Variants in DENND4C observed in about 807,000 individuals in gnomAD.
DENND4C encodes the protein DENN domain containing 4C, also known as DENN domain-containing protein 4C.
A neutral mutation model predicts 203.0 loss-of-function variants in DENND4C; 108 were observed. The ratio of observed to expected loss-of-function variants is 0.53; its 90% CI spans 0.46 to 0.62. The LOEUF (loss-of-function observed/expected upper bound fraction) is 0.62, where lower values mean the gene tolerates loss of function less well. Ranked by LOEUF, DENND4C falls within the 20% of genes least tolerant of loss-of-function variation. DENND4C has a pLI of 0.00. For missense variants in DENND4C, 2,481 were observed against 2,301.2 expected (o/e 1.08, Z -1.60); for synonymous variants, 871 against 792.4 (o/e 1.10, Z -1.67).
At chr9:19,344,614 G>T (rs1398566297) in intron 22 of DENND4C, among the ~76,000 whole-genome samples, 1 of 152,136 alleles carries the variant, frequency 6.6e-6, no homozygotes, top group Admixed American at 6.5e-5. Context: ...GGATTCTCCC[G>T]CCTCAGACCC....
At chr9:19,273,092 G>C (rs1377823868) in intron 1 of DENND4C, among the ~76,000 whole-genome samples, 2 of 151,702 alleles carry the variant, frequency 1.3e-5, no homozygotes, top group African/African-American at 4.9e-5. Context: ...GGGACTACAG[G>C]CACCCGCCGC....
intron 23 of DENND4C, among the ~76,000 whole-genome samples, chr9:19,348,178 G>T (rs1455242001): frequency 2.6e-5 from 4 of 152,186 alleles, no homozygotes; most frequent in Non-Finnish European, 5.9e-5. Context: ...CCCCATGAGG[G>T]TGGTACTGTT....
intron 10 of DENND4C, among the ~76,000 whole-genome samples, chr9:19,307,941 A>G (rs1840020506): frequency 6.6e-6 from 1 of 151,854 alleles, no homozygotes; most frequent in South Asian, 2.1e-4. Flanking sequence ...ACATACATGT[A>G]TTTTTCAAAC....
chr9:19,261,077 A>G (rs1829234091), intron 1 of DENND4C, among the ~76,000 whole-genome samples: 1 of 152,024 alleles, frequency 6.6e-6, no homozygotes, highest in Admixed American at 6.6e-5. Flanking sequence ...TCTTCTGCAT[A>G]TTGATATCTA....
intron 6 of DENND4C, among the ~76,000 whole-genome samples, chr9:19,297,342 T>C (rs1471732614): frequency 1.3e-5 from 2 of 152,234 alleles, no homozygotes; most frequent in Non-Finnish European, 2.9e-5. Flanking sequence ...AAACTCATCA[T>C]AATTTGATAT....
At chr9:19,361,724 G>T in intron 29 of DENND4C, 122 bp from the exon 30 acceptor site, 1 of 543,202 alleles carries the variant, frequency 1.8e-6, no homozygotes, top group Non-Finnish European at 3.3e-6. Flanking sequence ...TTAAAATTTT[G>T]ATTCTGAATT....
In DENND4C at chr9:19,297,871, T is replaced by C. The variant is rs563273246; in HGVS notation, c.1041-185T>C. 6.8e-4 allele frequency among the ~76,000 whole-genome samples: 103 copies of C among 152,308 alleles called. 1 individual carries two copies. Among genetic ancestry groups the C allele is most frequent in the African/African-American group, 2.4e-3 (98 of 41,582 alleles). On this transcript the variant is annotated intron_variant, in intron 6 of 32. Coordinates refer to ENST00000434457, the MANE Select transcript of DENND4C (RefSeq NM_001330640.2). ...TTTAAGTCAGGAAATACATTGTGTA[T>C]TTCAGAAGTTTAATGGGCATGGATA...
chr9:19,299,158 G>A, intron 7 of DENND4C, 71 bp from the exon 8 acceptor site: 2 of 1,099,024 alleles, frequency 1.8e-6, no homozygotes, highest in South Asian at 3.2e-5. Context: ...GATTTCAAAA[G>A]TAGTTTTGAA....
chr9:19,343,884 A>G (rs1222786357), intron 22 of DENND4C, among the ~76,000 whole-genome samples: 4 of 152,168 alleles, frequency 2.6e-5, no homozygotes, highest in Non-Finnish European at 4.4e-5. Flanking sequence ...TTTAAAAAAC[A>G]TTGAATAAAA....
intron 1 of DENND4C, 21 bp from the exon 2 acceptor site, chr9:19,276,137 T>C: frequency 1.7e-6 from 2 of 1,181,814 alleles, no homozygotes; most frequent in Non-Finnish European, 2.1e-6. Context: ...TTTATTGGTA[T>C]CTTTCCCCTC....
At chr9:19,344,611 C>A (rs1465903232) in intron 22 of DENND4C, among the ~76,000 whole-genome samples, 2 of 152,186 alleles carry the variant, frequency 1.3e-5, no homozygotes, top group Non-Finnish European at 2.9e-5. Context: ...TGAGGATTCT[C>A]CCGCCTCAGA....
In DENND4C at chr9:19,373,613, G is replaced by T. The variant is rs1171597060; in HGVS notation, c.*1440G>T. On this transcript the variant is annotated 3_prime_UTR_variant, in exon 33 of 33. Coordinates refer to ENST00000434457, the MANE Select transcript of DENND4C (RefSeq NM_001330640.2). ...AATTTATTAAGCTTGTTGCCAGTAG[G>T]TTTAAGAAAATCATGATCTCACATG... 1 of 152,566 alleles carries T rather than the reference G, an allele frequency of 6.6e-6. No homozygotes were observed. The highest frequency in any genetic ancestry group is 1.5e-5 in the Non-Finnish European group (1 of 68,020). The allele number at this position is 152,566 out of a possible 1,614,324, so 9.5% of individuals were successfully genotyped here. A position where few individuals can be genotyped will look rare whatever the true frequency, so the allele number is the denominator to read the frequency against.
At chr9:19,308,242 C>A (rs543401703) in intron 10 of DENND4C, among the ~76,000 whole-genome samples, 5 of 152,200 alleles carry the variant, frequency 3.3e-5, no homozygotes, top group Non-Finnish European at 7.3e-5. Flanking sequence ...AGGGAATGAG[C>A]ATTTTCAACT....
intron 1 of DENND4C, among the ~76,000 whole-genome samples, chr9:19,239,337 T>C (rs1823096647): frequency 6.6e-6 from 1 of 152,178 alleles, no homozygotes; most frequent in Admixed American, 6.6e-5. Context: ...TGCAGTTTCT[T>C]TTTTGATCAG....
At chr9:19,289,944 A>C (rs1051870049) in intron 4 of DENND4C, among the ~76,000 whole-genome samples, 1 of 152,100 alleles carries the variant, frequency 6.6e-6, no homozygotes, top group South Asian at 2.1e-4. Context: ...CACTTAAAAA[A>C]CTTATAGAAA....
In DENND4C at chr9:19,336,395, A is replaced by G. The variant is rs1191140643; in HGVS notation, c.2715A>G (p.Ser905=). 1.9e-6 allele frequency: 3 copies of G among 1,613,648 alleles called. No individual in the cohort carries two copies. The highest frequency in any genetic ancestry group is 2.5e-6 in the Non-Finnish European group (3 of 1,179,882). ...CGCTTAAAAAGACTGTGCAAAGGTC[A>G]CAGGTCTCCTCAATATCAGGTAATA... The part of the protein sequence containing the change: ...RQPLKKTVQR[S]QVSSISALQN... Residue 905 remains serine (S), a synonymous_variant, in exon 19 of 33, where the codon TCA becomes TCG. Coordinates refer to ENST00000434457, the MANE Select transcript of DENND4C (RefSeq NM_001330640.2).
intron 1 of DENND4C, among the ~76,000 whole-genome samples, chr9:19,247,968 C>A (rs965920326): frequency 8.5e-5 from 13 of 152,130 alleles, no homozygotes; most frequent in African/African-American, 3.1e-4. Flanking sequence ...ACTCCTTTGC[C>A]CTAATATAAG....
intron 1 of DENND4C, among the ~76,000 whole-genome samples, chr9:19,257,621 T>C (rs570530920): frequency 1.3e-5 from 2 of 152,054 alleles, no homozygotes; most frequent in Non-Finnish European, 2.9e-5. Flanking sequence ...CAAATGTGAT[T>C]TTTAAAATGG....
At chr9:19,272,829 G>A (rs529216194) in intron 1 of DENND4C, among the ~76,000 whole-genome samples, 57 of 151,878 alleles carry the variant, frequency 3.8e-4, no homozygotes, top group Non-Finnish European at 6.2e-4. Flanking sequence ...GCACAGTGGC[G>A]TGATCTTGGC....
Sources: gnomAD v4.1 joint callset for allele counts (sites outside exome capture counted in the v4.1 genomes callset) on GRCh38, gnomAD v4.1.1 for gene constraint, MANE v1.5 for transcripts, NCBI Gene and HGNC (gene_info 2026-07-23, HGNC 2026-07-21) for gene names.